Variants in ROPN1L observed in about 807,000 individuals in gnomAD.
The protein encoded by ROPN1L is rhophilin associated tail protein 1 like.
ROPN1L carries 23 observed loss-of-function variants against 22.7 expected under a neutral mutation model. The ratio of observed to expected loss-of-function variants is 1.01; its 90% CI spans 0.73 to 1.43. ROPN1L has a LOEUF of 1.43. Among genes scored for constraint, ROPN1L ranks in the 40% most tolerant of loss-of-function variants. The pLI, the probability that ROPN1L is intolerant of heterozygous loss-of-function variation, is 0.00. For missense variants in ROPN1L, 271 were observed against 291.5 expected (o/e 0.93, Z 0.51); for synonymous variants, 116 against 117.8 (o/e 0.98, Z 0.10).
chr5:10,444,221 A>G (rs1420746881), intron 1 of ROPN1L, among the ~76,000 whole-genome samples: 2 of 152,214 alleles, frequency 1.3e-5, no homozygotes, highest in Non-Finnish European at 2.9e-5. Context: ...ATTTAGCAAC[A>G]TCTTCTTGGA....
chr5:10,466,843 G>A (rs949736873), downstream of ROPN1L, among the ~76,000 whole-genome samples: 7 of 152,116 alleles, frequency 4.6e-5, no homozygotes, highest in African/African-American at 1.2e-4. Context: ...TCACTGTTTC[G>A]GAAGCAGAAG....
At chr5:10,459,369 T>TCCTGC (rs1561175192) in intron 3 of ROPN1L, among the ~76,000 whole-genome samples, 1 of 150,188 alleles carries the variant, frequency 6.7e-6, no homozygotes, top group African/African-American at 2.5e-5. Flanking sequence ...ATCACTGGGT[T>TCCTGC]CTTGCCTTCC....
intron 3 of ROPN1L, among the ~76,000 whole-genome samples, chr5:10,455,117 C>T (rs991054764): frequency 6.6e-6 from 1 of 152,210 alleles, no homozygotes; most frequent in Non-Finnish European, 1.5e-5. Context: ...CACTTTGGAG[C>T]TCTCAGAACA....
intron 1 of ROPN1L, 95 bp from the exon 2 acceptor site, chr5:10,448,164 TA>T: frequency 7.0e-7 from 1 of 1,432,888 alleles, no homozygotes; most frequent in South Asian, 1.2e-5. Context: ...CTGTCCTTCC[TA>T]ATCACCGTTG....
At chr5:10,474,507 C>T (rs1012221461), downstream of ROPN1L, among the ~76,000 whole-genome samples, 2 of 151,460 alleles carry the variant, frequency 1.3e-5, no homozygotes, top group Non-Finnish European at 2.9e-5. Flanking sequence ...CTCCAGCCGA[C>T]TACCAGCCAA....
At chr5:10,470,256 T>C (rs1001046508) in intron 4 of ROPN1L, among the ~76,000 whole-genome samples, 3 of 152,032 alleles carry the variant, frequency 2.0e-5, no homozygotes, top group Non-Finnish European at 2.9e-5. Context: ...AACTCTATTA[T>C]GTTGCTTTGT....
chr5:10,482,275 C>T, the ROPN1L span: 1 of 151,440 alleles, frequency 6.6e-6, no homozygotes. Flanking sequence ...TCATAGTTTA[C>T]CGCAATTAAA....
chr5:10,467,145 C>A (rs12520289), downstream of ROPN1L, among the ~76,000 whole-genome samples: 29,680 of 151,956 alleles, frequency 0.2, 4,115 homozygotes, highest in East Asian at 0.66. Context: ...AGTTCCTCCG[C>A]GCCACATTAC....
intron 3 of ROPN1L, among the ~76,000 whole-genome samples, chr5:10,456,882 T>C (rs1255815047): frequency 6.6e-6 from 1 of 152,200 alleles, no homozygotes; most frequent in Non-Finnish European, 1.5e-5. Flanking sequence ...GTTACACAGA[T>C]CTCATCTGCC....
the ROPN1L span, among the ~76,000 whole-genome samples, chr5:10,479,996 G>A: frequency 2.6e-5 from 4 of 152,084 alleles, no homozygotes; most frequent in African/African-American, 7.2e-5. Flanking sequence ...CGCCTGCCTC[G>A]ACCTCCCAAA....
intron 3 of ROPN1L, among the ~76,000 whole-genome samples, chr5:10,458,996 C>T (rs1001679975): frequency 1.0e-4 from 15 of 144,592 alleles, no homozygotes; most frequent in African/African-American, 3.1e-4. Flanking sequence ...TACCCCATCT[C>T]GCCCATGCTC....
chr5:10,464,775 G>C, intron 4 of ROPN1L, 73 bp from the exon 5 acceptor site: 2 of 821,004 alleles, frequency 2.4e-6, no homozygotes, highest in South Asian at 4.4e-5. Flanking sequence ...AAATTATATC[G>C]CATTTTATAA....
chr5:10,459,064 A>G (rs956455310), intron 3 of ROPN1L, among the ~76,000 whole-genome samples: 2 of 149,898 alleles, frequency 1.3e-5, no homozygotes, highest in Non-Finnish European at 3.0e-5. Flanking sequence ...CACCAGTTCC[A>G]CTGGGCGCCT....
At chr5:10,465,366 A>G (rs1735134501), downstream of ROPN1L, among the ~76,000 whole-genome samples, 1 of 152,088 alleles carries the variant, frequency 6.6e-6, no homozygotes, top group South Asian at 2.1e-4. Flanking sequence ...ATACAAAAAA[A>G]TTAGCCAGGC....
In ROPN1L at chr5:10,442,089, A is replaced by G. The variant is rs1221027028; in HGVS notation, c.-79A>G. ...CAAGCCCCGCGCTGCTAGCGGGTCC[A>G]CCGCGTCGTAGCCGACAGCCGCCCT... On this transcript the variant is annotated 5_prime_UTR_variant, in exon 1 of 5. Transcript: ENST00000274134. The G allele has an allele frequency of 1.0e-5, 16 of 1,554,536 alleles. No individual in the cohort carries two copies. Among genetic ancestry groups the G allele is most frequent in the Non-Finnish European group, 1.3e-5 (15 of 1,142,076 alleles).
the ROPN1L span, among the ~76,000 whole-genome samples, chr5:10,481,019 C>T: frequency 1.2e-4 from 18 of 152,068 alleles, no homozygotes; most frequent in East Asian, 2.1e-3. Context: ...TGAAACCCAC[C>T]GCAGTAGCAG....
chr5:10,447,437 G>A (rs1741104674), intron 1 of ROPN1L, among the ~76,000 whole-genome samples: 2 of 152,162 alleles, frequency 1.3e-5, no homozygotes, highest in Non-Finnish European at 2.9e-5. Flanking sequence ...AAGTGGGGGT[G>A]GGGGGATGGG....
At chr5:10,452,085 A>G (rs765880297) in intron 3 of ROPN1L, among the ~76,000 whole-genome samples, 4 of 151,976 alleles carry the variant, frequency 2.6e-5, no homozygotes, top group Non-Finnish European at 5.9e-5. Flanking sequence ...GGTTCAAGTG[A>G]TTCTCCTGCC....
chr5:10,457,802 T>TC (rs1249789796), intron 3 of ROPN1L, among the ~76,000 whole-genome samples: 1 of 152,098 alleles, frequency 6.6e-6, no homozygotes, highest in Non-Finnish European at 1.5e-5. Context: ...CATCTGCAGC[T>TC]CCCCCGTGAG....
Sources: gnomAD v4.1 joint callset for allele counts (sites outside exome capture counted in the v4.1 genomes callset) on GRCh38, gnomAD v4.1.1 for gene constraint, MANE v1.5 for transcripts, NCBI Gene and HGNC (gene_info 2026-07-23, HGNC 2026-07-21) for gene names.